Variants in PRELID2 observed in about 807,000 individuals in gnomAD.
PRELID2 encodes PRELI domain-containing protein 2.
Under a neutral mutation model 28.4 loss-of-function variants are expected in PRELID2, and 25 were observed. The ratio of observed to expected loss-of-function variants is 0.88; its 90% CI spans 0.64 to 1.23. The LOEUF (loss-of-function observed/expected upper bound fraction) is 1.23. Among genes scored for constraint, PRELID2 ranks in the 50% most tolerant of loss-of-function variants. PRELID2 has a pLI of 0.00. For missense variants in PRELID2, 201 were observed against 214.4 expected (o/e 0.94, Z 0.39); for synonymous variants, 76 against 71.6 (o/e 1.06, Z -0.31).
At chr5:145,364,128 A>G in the PRELID2 span, among the ~76,000 whole-genome samples, 1 of 151,992 alleles carries the variant, frequency 6.6e-6, no homozygotes, top group Non-Finnish European at 1.5e-5. Flanking sequence ...TATCAGAAGA[A>G]AATAGGAGTG....
At chr5:145,787,663 C>T (rs915568914) in intron 5 of PRELID2, among the ~76,000 whole-genome samples, 4 of 151,978 alleles carry the variant, frequency 2.6e-5, no homozygotes, top group Admixed American at 6.6e-5. Flanking sequence ...CCTCAGCCCC[C>T]GGAGCAGCTG....
At chr5:145,818,542 T>C (rs766888092) in intron 3 of PRELID2, among the ~76,000 whole-genome samples, 35 of 152,168 alleles carry the variant, frequency 2.3e-4, no homozygotes, top group South Asian at 8.3e-4. Context: ...CCTTAAATTA[T>C]TTAAGAATTG....
chr5:145,574,400 C>A (rs980336635), intron 1 of PRELID2, among the ~76,000 whole-genome samples: 4 of 152,176 alleles, frequency 2.6e-5, no homozygotes, highest in Non-Finnish European at 5.9e-5. Flanking sequence ...TTATAAGCCA[C>A]AAAGTTTGTA....
intron 1 of PRELID2, among the ~76,000 whole-genome samples, chr5:145,587,389 A>G (rs1429857837): frequency 2.0e-5 from 3 of 152,148 alleles, no homozygotes; most frequent in African/African-American, 7.2e-5. Flanking sequence ...GATGTTTTAT[A>G]CATCAGCAAG....
intron 1 of PRELID2, among the ~76,000 whole-genome samples, chr5:145,740,987 A>C (rs1177592406): frequency 8.8e-6 from 1 of 114,148 alleles, no homozygotes; most frequent in African/African-American, 3.5e-5. Flanking sequence ...TTTGTGTATA[A>C]ATAAAATATA....
chr5:145,776,013 C>A lies in PRELID2; in HGVS notation c.475-11013G>T, dbSNP rs532245123. Among the ~76,000 whole-genome samples the A allele has an allele frequency of 7.1e-5, 10 of 140,858 alleles. 1 individual carries two copies. In the South Asian group the frequency reaches 2.4e-3, roughly 34 times the overall value. 92.4% of individuals were successfully genotyped at this position (140,858 alleles called of 152,430 possible). On this transcript the variant is annotated intron_variant, in intron 5 of 6. Transcript: ENST00000683046. ...TAATAGCCTAAAAATAAACCATGGG[C>A]TGTTTTTAAGTCAACTATTTGCAAA...
At chr5:145,581,328 T>G (rs951419159) in intron 1 of PRELID2, among the ~76,000 whole-genome samples, 8 of 152,092 alleles carry the variant, frequency 5.3e-5, no homozygotes, top group African/African-American at 1.9e-4. Context: ...ACCATAAGCC[T>G]AAAGTGGTTT....
chr5:145,471,169 TC>T (rs1317607833), downstream of PRELID2, among the ~76,000 whole-genome samples: 10 of 152,042 alleles, frequency 6.6e-5, no homozygotes, highest in Non-Finnish European at 1.3e-4. Context: ...GACAGGCTCC[TC>T]CCCCAACATC....
chr5:145,716,126 T>C (rs148283542), intron 1 of PRELID2, among the ~76,000 whole-genome samples: 166 of 152,304 alleles, frequency 1.1e-3, no homozygotes, highest in African/African-American at 3.9e-3. Context: ...CAACGATTCT[T>C]CTTCCAATGT....
chr5:145,640,245 G>A (rs1396869452), intron 1 of PRELID2, among the ~76,000 whole-genome samples: 1 of 152,036 alleles, frequency 6.6e-6, no homozygotes, highest in Non-Finnish European at 1.5e-5. Flanking sequence ...CCAGCAATTT[G>A]GGAGGCCGAG....
chr5:145,378,447 A>T, the PRELID2 span, among the ~76,000 whole-genome samples: 1 of 152,146 alleles, frequency 6.6e-6, no homozygotes, highest in Admixed American at 6.6e-5. Context: ...TGGTATCTTT[A>T]CATAATCCCA....
chr5:145,268,231 G>T, the PRELID2 span, among the ~76,000 whole-genome samples: 1 of 152,136 alleles, frequency 6.6e-6, no homozygotes, highest in Non-Finnish European at 1.5e-5. Flanking sequence ...ATGTCCTGGA[G>T]AATTTCTGGA....
intron 1 of PRELID2, among the ~76,000 whole-genome samples, chr5:145,656,751 A>C (rs1350802038): frequency 1.8e-5 from 2 of 110,632 alleles, no homozygotes; most frequent in Non-Finnish European, 3.5e-5. Flanking sequence ...AGGGCCTGTC[A>C]TGGGGTGGGG....
At chr5:145,428,505 T>C in the PRELID2 span, among the ~76,000 whole-genome samples, 1 of 151,820 alleles carries the variant, frequency 6.6e-6, no homozygotes, top group African/African-American at 2.4e-5. Context: ...AACAGGTAAA[T>C]ATAGAATATG....
At chr5:145,394,885 A>G in the PRELID2 span, among the ~76,000 whole-genome samples, 1 of 152,112 alleles carries the variant, frequency 6.6e-6, no homozygotes, top group Non-Finnish European at 1.5e-5. Context: ...CAACGTCCTC[A>G]AATATCAAGA....
In PRELID2 at chr5:145,707,242, G is replaced by A. The variant is rs192212190; in HGVS notation, n.70+57689C>T. Among the ~76,000 whole-genome samples the A allele has an allele frequency of 2.6e-5, 4 of 152,324 alleles. No homozygotes were observed. In the East Asian group the frequency reaches 7.7e-4, roughly 29 times the overall value. ...GCCCAGGACCCATAGCAAGCAAGTT[G>A]CAGTGAGTGGCAGAGTCAGGATGTG... On this transcript the variant is annotated intron_variant and non_coding_transcript_variant, in intron 1 of 2. Coordinates refer to the PRELID2 transcript ENST00000510259.
At chr5:145,229,074 C>T in the PRELID2 span, 2 of 1,554,198 alleles carry the variant, frequency 1.3e-6, no homozygotes, top group Non-Finnish European at 1.8e-6. Context: ...GGACCACTAC[C>T]TCCTGGGTAC....
At chr5:145,501,162 T>G (rs562111819) in intron 1 of PRELID2, among the ~76,000 whole-genome samples, 11 of 152,178 alleles carry the variant, frequency 7.2e-5, no homozygotes, top group Non-Finnish European at 1.5e-4. Flanking sequence ...GGAAATATTG[T>G]GACAAAAATC....
intron 1 of PRELID2, among the ~76,000 whole-genome samples, chr5:145,653,341 C>T (rs1409708244): frequency 6.6e-6 from 1 of 152,274 alleles, no homozygotes; most frequent in East Asian, 1.9e-4. Flanking sequence ...GACAGATCAA[C>T]AAGACAGAAA....
Sources: allele counts gnomAD v4.1 joint callset (sites outside exome capture counted in the v4.1 genomes callset), GRCh38; gene constraint gnomAD v4.1.1; transcripts MANE v1.5; gene names NCBI Gene and HGNC (gene_info 2026-07-23, HGNC 2026-07-21).